Variants in OSBPL8 observed in about 807,000 individuals in gnomAD.
OSBPL8 encodes oxysterol binding protein like 8, also known as oxysterol-binding protein-related protein 8.
OSBPL8 carries 59 observed loss-of-function variants against 125.5 expected under a neutral mutation model. The ratio of observed to expected loss-of-function variants is 0.47; its 90% CI spans 0.38 to 0.58. The LOEUF is 0.58. Ranked by LOEUF, OSBPL8 falls within the 20% of genes least tolerant of loss-of-function variation. The pLI is 0.00. For missense variants in OSBPL8, 758 were observed against 1,047.8 expected, an observed-to-expected ratio of 0.72 and a Z score of 3.82; for synonymous variants, 330 against 338.9, an observed-to-expected ratio of 0.97 and a Z score of 0.29.
intron 3 of OSBPL8, among the ~76,000 whole-genome samples, chr12:76,454,362 A>AT (rs970912316): frequency 6.6e-6 from 1 of 152,216 alleles, no homozygotes; most frequent in African/African-American, 2.4e-5. Flanking sequence ...ATCTAGTTCT[A>AT]TAACAAACGA....
intron 2 of OSBPL8, among the ~76,000 whole-genome samples, chr12:76,479,048 G>A (rs1018951745): frequency 1.3e-4 from 20 of 152,296 alleles, no homozygotes; most frequent in East Asian, 3.9e-4. Flanking sequence ...GCGACAGAGC[G>A]AGACTCTGTC....
chr12:76,374,542 A>G (rs1952741308), intron 17 of OSBPL8, among the ~76,000 whole-genome samples: 2 of 152,156 alleles, frequency 1.3e-5, no homozygotes. Flanking sequence ...TCAACTGCCA[A>G]GTAAGAAGTC....
chr12:76,410,858 A>C lies in OSBPL8; in HGVS notation c.218-224T>G, dbSNP rs543602223. Among the ~76,000 whole-genome samples, 5 of 152,324 alleles carry C rather than the reference A, an allele frequency of 3.3e-5. No homozygotes were observed. In the East Asian group the frequency reaches 7.7e-4, roughly 23 times the overall value. ...CCTGAACCCACCAACATCGTGAAAT[A>C]TCTCTTCTTTGCTCCTGCAGAACTC... On this transcript the variant is annotated intron_variant, in intron 4 of 23. Coordinates refer to ENST00000261183, the MANE Select transcript of OSBPL8 (RefSeq NM_020841.5).
intron 1 of OSBPL8, among the ~76,000 whole-genome samples, chr12:76,492,158 TA>T (rs1201516714): frequency 1.3e-5 from 2 of 152,244 alleles, no homozygotes; most frequent in Middle Eastern, 3.4e-3. Flanking sequence ...GTTACAATTT[TA>T]AATAGGATGG....
chr12:76,471,746 A>T (rs1876161736), intron 2 of OSBPL8, among the ~76,000 whole-genome samples: 1 of 152,110 alleles, frequency 6.6e-6, no homozygotes, highest in Admixed American at 6.5e-5. Flanking sequence ...CATTCCTCCA[A>T]ACACCCATCA....
chr12:76,548,597 C>G (rs776064986), intron 1 of OSBPL8, among the ~76,000 whole-genome samples: 2 of 152,068 alleles, frequency 1.3e-5, no homozygotes, highest in Non-Finnish European at 2.9e-5. Context: ...AGGTGTGGCA[C>G]AGAGTAAACA....
At position 76,450,964 on chromosome 12, in the gene OSBPL8, GATTCGTC is replaced by G; in HGVS notation, c.97_103del (p.Asp33LeufsTer4). 6.2e-7 allele frequency: 1 copy of G among 1,613,678 alleles called. No individual in the cohort carries two copies. The highest frequency in any genetic ancestry group is 8.5e-7 in the Non-Finnish European group (1 of 1,179,834). On this transcript the variant is annotated frameshift_variant, in exon 4 of 24. Transcript: ENST00000261183. LOFTEE classifies it high-confidence loss of function. ...CATCTTTCCTGGTGTCAGAAGCTGA[GATTCGTC>G]ACTGTTTGCTACAACAGCTCAAGGA...
rs150537197 is a variant in OSBPL8, at chr12:76,361,623, T to C, written c.2329-2812A>G. On this transcript the variant is annotated intron_variant, in intron 21 of 23. Transcript: ENST00000261183. ...GATGGGAAGAAAAGGAGGCTTAAAT[T>C]TGATGTTCAGTTCCACATGACTTGG... 1.8e-3 allele frequency among the ~76,000 whole-genome samples: 278 copies of C among 152,286 alleles called. 1 individual carries two copies. The Middle Eastern group carries it at 0.02, about 11-fold the overall frequency.
At chr12:76,553,692 A>G (rs1951010018) in intron 1 of OSBPL8, among the ~76,000 whole-genome samples, 1 of 151,016 alleles carries the variant, frequency 6.6e-6, no homozygotes, top group South Asian at 2.1e-4. Context: ...AAAAAAAAAA[A>G]AGGCCAGAGG....
chr12:76,439,103 G>A (rs146433103), intron 4 of OSBPL8, among the ~76,000 whole-genome samples: 1,773 of 152,264 alleles, frequency 0.012, 39 homozygotes, highest in African/African-American at 0.041. Flanking sequence ...CACACAGGCC[G>A]GACGCGGTGG....
intron 2 of OSBPL8, among the ~76,000 whole-genome samples, chr12:76,464,909 A>T (rs1161965118): frequency 6.6e-6 from 1 of 152,222 alleles, no homozygotes; most frequent in Non-Finnish European, 1.5e-5. Flanking sequence ...TATACAAAAC[A>T]TCTGAAGAGT....
At chr12:76,542,107 G>T (rs1251583716) in intron 1 of OSBPL8, among the ~76,000 whole-genome samples, 1 of 152,166 alleles carries the variant, frequency 6.6e-6, no homozygotes, top group Non-Finnish European at 1.5e-5. Context: ...GAAGGCAGAG[G>T]TTGTGGTGAG....
In OSBPL8 at chr12:76,353,055, A is replaced by G. The variant is rs1408302508; in HGVS notation, c.*2834T>C. On this transcript the variant is annotated 3_prime_UTR_variant, in exon 24 of 24. Coordinates refer to ENST00000261183, the MANE Select transcript of OSBPL8 (RefSeq NM_020841.5). ...CAAGCCTATAAACACCTTGAATCAC[A>G]TTATAGTTCTGTAACACAAAAAATG... The G allele has an allele frequency of 1.3e-5, 2 of 152,468 alleles. No individual in the cohort carries two copies. The highest frequency in any genetic ancestry group is 2.9e-5 in the Non-Finnish European group (2 of 67,876). 9.4% of individuals were successfully genotyped at this position (152,468 alleles called of 1,614,324 possible).
chr12:76,554,347 C>T (rs1951034373), intron 1 of OSBPL8, among the ~76,000 whole-genome samples: 1 of 152,138 alleles, frequency 6.6e-6, no homozygotes, highest in Admixed American at 6.6e-5. Flanking sequence ...CAAGACGTAT[C>T]AAGAGGAGCA....
chr12:76,471,597 G>C (rs1004858847), intron 2 of OSBPL8, among the ~76,000 whole-genome samples: 2 of 152,106 alleles, frequency 1.3e-5, no homozygotes, highest in Non-Finnish European at 2.9e-5. Context: ...CGATATCATA[G>C]AGAGCCTTCT....
At chr12:76,436,496 G>C (rs74103449) in intron 4 of OSBPL8, among the ~76,000 whole-genome samples, 1 of 147,548 alleles carries the variant, frequency 6.8e-6, no homozygotes, top group Non-Finnish European at 1.5e-5. Flanking sequence ...CTGCATTTTC[G>C]TCTTAATAAG....
chr12:76,373,469 C>A (rs767648064), intron 17 of OSBPL8, 36 bp from the exon 18 acceptor site: 10 of 1,458,152 alleles, frequency 6.9e-6, no homozygotes, highest in Non-Finnish European at 8.5e-6. Context: ...TTTTACTTTT[C>A]ACTTATATTT....
chr12:76,413,298 G>A (rs1369405913), intron 4 of OSBPL8, among the ~76,000 whole-genome samples: 3 of 152,018 alleles, frequency 2.0e-5, no homozygotes, highest in Non-Finnish European at 4.4e-5. Flanking sequence ...CAAGTAATTC[G>A]ACTTGTGCAA....
In OSBPL8 at chr12:76,375,361, T is replaced by C. The variant is rs754901930; in HGVS notation, c.1739A>G (p.Tyr580Cys). Residue 580 changes from tyrosine (Y) to cysteine (C), a missense_variant, in exon 17 of 24, where the codon TAT becomes TGT. Tyr to Cys is a radical substitution (Grantham distance 194, BLOSUM62 -2). Transcript: ENST00000261183. ...MPYAHCKGIL[Y>C]GTMTLELGGT... ...ACCAAGCTCCAGTGTCATTGTACCATAAAGAATTCCTAAAGGAAAAAGATT... is the reference window on the plus strand; with the variant it reads ...ACCAAGCTCCAGTGTCATTGTACCACAAAGAATTCCTAAAGGAAAAAGATT... 1.9e-6 allele frequency: 3 copies of C among 1,610,410 alleles called. No homozygotes were observed. The highest frequency in any genetic ancestry group is 1.7e-5 in the Admixed American group (1 of 59,906).
Sources: gnomAD v4.1 joint callset for allele counts (sites outside exome capture counted in the v4.1 genomes callset) on GRCh38, gnomAD v4.1.1 for gene constraint, MANE v1.5 for transcripts, NCBI Gene and HGNC (gene_info 2026-07-23, HGNC 2026-07-21) for gene names.